Variants in JADE1 observed in about 807,000 individuals in gnomAD.
The protein encoded by JADE1 is jade family PHD finger 1.
JADE1 carries 14 observed loss-of-function variants against 81.8 expected under a neutral mutation model. The ratio of observed to expected loss-of-function variants is 0.17; its 90% CI spans 0.11 to 0.27. The LOEUF is 0.27. JADE1 is among the 10% of genes least tolerant of loss of function. JADE1 has a pLI of 1.00. For missense variants in JADE1, 690 were observed against 1,047.9 expected, an observed-to-expected ratio of 0.66 and a Z score of 4.71; for synonymous variants, 353 against 391.9, an observed-to-expected ratio of 0.90 and a Z score of 1.17.
chr4:128,851,965 AT>A, intron 5 of JADE1, 91 bp from the exon 6 acceptor site: 2 of 790,912 alleles, frequency 2.5e-6, no homozygotes, highest in South Asian at 3.5e-5. Context: ...TTCATTATAC[AT>A]TATTTTTAAG....
chr4:128,835,876 G>A (rs575103704), intron 2 of JADE1, among the ~76,000 whole-genome samples: 3 of 152,320 alleles, frequency 2.0e-5, no homozygotes, highest in East Asian at 1.9e-4. Flanking sequence ...AGTTGGGGAC[G>A]GACAGGCATT....
intron 6 of JADE1, among the ~76,000 whole-genome samples, chr4:128,853,766 C>T (rs964797650): frequency 6.6e-6 from 1 of 152,198 alleles, no homozygotes; most frequent in African/African-American, 2.4e-5. Flanking sequence ...AGCACGTTTG[C>T]TCCATGAAGT....
intron 1 of JADE1, among the ~76,000 whole-genome samples, chr4:128,823,420 T>TTA (rs1727756363): frequency 6.6e-6 from 1 of 152,210 alleles, no homozygotes; most frequent in Non-Finnish European, 1.5e-5. Flanking sequence ...AACTAATGTA[T>TTA]TATAGTACAT....
rs919555448 is a variant in JADE1 at position 128,875,105 on chromosome 4, C to T, written c.*2843C>T. 5 of 152,086 alleles carry T rather than the reference C, an allele frequency of 3.3e-5. No homozygotes were observed. Among genetic ancestry groups the T allele is most frequent in the Admixed American group, 6.6e-5 (1 of 15,212 alleles). 9.4% of individuals were successfully genotyped at this position (152,086 alleles called of 1,614,324 possible). A position where few individuals can be genotyped will look rare whatever the true frequency, so the allele number is the denominator to read the frequency against. ...GACCCAATCCTGTATTTATTTCTAC[C>T]CCCTTTTTGAAAGTATTTATAAAAC... On this transcript the variant is annotated 3_prime_UTR_variant, in exon 11 of 11. Coordinates refer to ENST00000226319, the MANE Select transcript of JADE1 (RefSeq NM_199320.4).
intron 6 of JADE1, among the ~76,000 whole-genome samples, chr4:128,854,103 T>A (rs575456245): frequency 1.2e-4 from 18 of 152,192 alleles, no homozygotes; most frequent in South Asian, 2.1e-4. Flanking sequence ...ATGAAAAATT[T>A]TTTTGAGTAA....
rs768233090 is a variant in JADE1 at position 128,831,746 on chromosome 4, T to C, written c.-13T>C. ...ATTGCTTTGCAGGCTGCCTGCTGTTTCCCGGGGAGATCATGAAACGAGGTC... is the reference window on the plus strand; with the variant it reads ...ATTGCTTTGCAGGCTGCCTGCTGTTCCCCGGGGAGATCATGAAACGAGGTC... On this transcript the variant is annotated 5_prime_UTR_variant, in exon 2 of 11. Transcript: ENST00000226319. The C allele has an allele frequency of 6.2e-7, 1 of 1,614,066 alleles. No individual in the cohort carries two copies. Among genetic ancestry groups the C allele is most frequent in the Non-Finnish European group, 8.5e-7 (1 of 1,180,016 alleles).
At chr4:128,856,551 C>G (rs1730813011) in intron 7 of JADE1, among the ~76,000 whole-genome samples, 1 of 152,218 alleles carries the variant, frequency 6.6e-6, no homozygotes, top group African/African-American at 2.4e-5. Context: ...CTTAGGCATA[C>G]TTTGGTGATT....
chr4:128,838,064 A>G (rs1729126469), intron 2 of JADE1, among the ~76,000 whole-genome samples: 1 of 152,154 alleles, frequency 6.6e-6, no homozygotes, highest in East Asian at 1.9e-4. Context: ...TATTTTTAAT[A>G]TTTCAAAGGG....
At chr4:128,811,864 G>C (rs1726433084) in intron 1 of JADE1, 1 of 152,032 alleles carries the variant, frequency 6.6e-6, no homozygotes, top group African/African-American at 2.4e-5. Context: ...TTCCAGAACT[G>C]TCTGGGGGCG....
intron 1 of JADE1, among the ~76,000 whole-genome samples, chr4:128,818,453 CTG>C (rs1391012146): frequency 6.6e-6 from 1 of 152,148 alleles, no homozygotes; most frequent in Non-Finnish European, 1.5e-5. Context: ...GTGATTGTGT[CTG>C]ATCCTTAATT....
intron 1 of JADE1, among the ~76,000 whole-genome samples, chr4:128,814,981 C>T (rs924567222): frequency 4.6e-5 from 7 of 152,074 alleles, no homozygotes; most frequent in African/African-American, 1.4e-4. Context: ...TTTGTCTAAA[C>T]CACTGCCTAA....
At chr4:128,859,406 T>C (rs897315261) in intron 8 of JADE1, among the ~76,000 whole-genome samples, 1 of 152,194 alleles carries the variant, frequency 6.6e-6, no homozygotes, top group African/African-American at 2.4e-5. Context: ...TGAGTGCGTA[T>C]GCGTGTGTAT....
At chr4:128,847,824 G>C (rs1231803819) in intron 4 of JADE1, among the ~76,000 whole-genome samples, 3 of 152,166 alleles carry the variant, frequency 2.0e-5, no homozygotes, top group African/African-American at 7.2e-5. Context: ...GTAATATAAG[G>C]GTGATGAAGG....
At chr4:128,832,865 A>G (rs551352705) in intron 2 of JADE1, among the ~76,000 whole-genome samples, 1 of 152,362 alleles carries the variant, frequency 6.6e-6, no homozygotes, top group South Asian at 2.1e-4. Context: ...CACCCTGTTC[A>G]GAAGAGGGGA....
chr4:128,813,248 G>A (rs1156652255), intron 1 of JADE1, among the ~76,000 whole-genome samples: 1 of 152,172 alleles, frequency 6.6e-6, no homozygotes, highest in Non-Finnish European at 1.5e-5. Flanking sequence ...CTTGCATTGA[G>A]TCAACACTTT....
chr4:128,849,095 G>A lies in JADE1; in HGVS notation c.412G>A (p.Val138Met), dbSNP rs200232130. The A allele has an allele frequency of 6.2e-6, 10 of 1,613,982 alleles. No homozygotes were observed. The highest frequency in any genetic ancestry group is 3.3e-5 in the Admixed American group (2 of 60,006). ...GGACATCCGGACGCTGGCTGACAGC[G>A]TGTGTCGCTATGACCTCAATGACAT... The part of the protein sequence containing the change: ...YVDIRTLADS[V>M]CRYDLNDMDA... Residue 138 changes from valine (V) to methionine (M), a missense_variant, in exon 5 of 11, where the codon GTG becomes ATG. Around this residue, in one of 8 missense-constraint regions of JADE1, gnomAD observed 98 missense variants for 161.3 expected, o/e 0.61. Transcript: ENST00000226319.
chr4:128,817,268 C>T (rs1311054753), intron 1 of JADE1, among the ~76,000 whole-genome samples: 2 of 137,406 alleles, frequency 1.5e-5, no homozygotes, highest in Non-Finnish European at 3.2e-5. Flanking sequence ...TAGTCTTGAA[C>T]TCCAGAGCTG....
chr4:128,852,011 T>C, intron 5 of JADE1, 46 bp from the exon 6 acceptor site: 1 of 1,168,704 alleles, frequency 8.6e-7, no homozygotes, highest in Non-Finnish European at 1.3e-6. Context: ...TAATATTTAT[T>C]AATATGGATT....
intron 8 of JADE1, among the ~76,000 whole-genome samples, chr4:128,858,090 CGTGT>C (rs373424523): frequency 4.6e-5 from 7 of 151,006 alleles, no homozygotes; most frequent in Non-Finnish European, 8.9e-5. Flanking sequence ...CGCGCATGCA[CGTGT>C]GTGTGTGTGT....
Sources: gnomAD v4.1 joint callset for allele counts (sites outside exome capture counted in the v4.1 genomes callset) on GRCh38, gnomAD v4.1.1 for gene constraint, gnomAD v4.1.1 regional missense constraint, MANE v1.5 for transcripts, NCBI Gene and HGNC (gene_info 2026-07-23, HGNC 2026-07-21) for gene names.